Variants in CACNB2 observed in about 807,000 individuals in gnomAD.
CACNB2 encodes the protein calcium voltage-gated channel auxiliary subunit beta 2, also known as voltage-dependent L-type calcium channel subunit beta-2.
Under a neutral mutation model 73.3 loss-of-function variants are expected in CACNB2, and 42 were observed. The ratio of observed to expected loss-of-function variants is 0.57; its 90% CI spans 0.45 to 0.74. The LOEUF (loss-of-function observed/expected upper bound fraction) is 0.74, where lower values mean the gene tolerates loss of function less well. Among genes scored for constraint, CACNB2 ranks in the 30% least tolerant of loss-of-function variants. CACNB2 has a pLI of 0.00. For missense variants in CACNB2, 940 were observed against 853.0 expected (o/e 1.10, Z -1.27); for synonymous variants, 348 against 310.3 (o/e 1.12, Z -1.28).
intron 3 of CACNB2, among the ~76,000 whole-genome samples, chr10:18,430,502 G>A (rs574078211): frequency 6.6e-6 from 1 of 152,042 alleles, no homozygotes; most frequent in South Asian, 2.1e-4. Flanking sequence ...TGGTGGTGGA[G>A]GCCTATAGTT....
At chr10:18,426,626 G>A (rs2045611645) in intron 3 of CACNB2, among the ~76,000 whole-genome samples, 1 of 152,124 alleles carries the variant, frequency 6.6e-6, no homozygotes. Context: ...GATCACCTGA[G>A]GCCAGGAGTT....
intron 9 of CACNB2, among the ~76,000 whole-genome samples, chr10:18,525,828 G>A (rs978904121): frequency 3.3e-5 from 5 of 151,870 alleles, no homozygotes; most frequent in African/African-American, 7.3e-5. Flanking sequence ...CTTTGGAAAT[G>A]TTACATTTCT....
Position 18,175,794 on chromosome 10 carries a change from C to T in CACNB2, c.213+24819C>T, listed in dbSNP as rs187496793. ...TGTATTTTTCGTAGAGATGGGGTTT[C>T]ACCACATTGGTCAGGCTGGTCTCAA... On this transcript the variant is annotated intron_variant, in intron 2 of 13. Transcript: ENST00000324631. Among the ~76,000 whole-genome samples the T allele has an allele frequency of 1.2e-3, 180 of 152,306 alleles. 4 individuals carry two copies. Among genetic ancestry groups the T allele is most frequent in the South Asian group, 4.8e-3 (23 of 4,824 alleles).
intron 2 of CACNB2, among the ~76,000 whole-genome samples, chr10:18,205,383 G>A (rs761460012): frequency 6.6e-6 from 1 of 152,182 alleles, no homozygotes; most frequent in Non-Finnish European, 1.5e-5. Flanking sequence ...GCGAGCACTC[G>A]TAAATGGTAG....
chr10:18,144,052 TTTTTG>T (rs202200710), intron 1 of CACNB2, among the ~76,000 whole-genome samples: 1 of 151,860 alleles, frequency 6.6e-6, no homozygotes, highest in South Asian at 2.1e-4. Context: ...AAAGCCCTGG[TTTTTG>T]TTTTGTTTTG....
chr10:18,467,068 T>C (rs373338124), intron 3 of CACNB2, among the ~76,000 whole-genome samples: 26 of 152,136 alleles, frequency 1.7e-4, no homozygotes, highest in African/African-American at 5.5e-4. Context: ...GCAGGAGAAT[T>C]GCTTAAACTC....
intron 2 of CACNB2, among the ~76,000 whole-genome samples, chr10:18,195,594 G>A (rs536158510): frequency 6.6e-6 from 1 of 152,350 alleles, no homozygotes; most frequent in South Asian, 2.1e-4. Context: ...CGGCCAGAGA[G>A]ATGCGCAGCA....
Position 18,140,643 on chromosome 10 carries a change from C to G in CACNB2, c.-94C>G, listed in dbSNP as rs1465880966. ...GGCCGGGCCTGAGCCCTGGGCGGCC[C>G]CCAGAGCCGATCAGAGCGCGGGGAG... On this transcript the variant is annotated 5_prime_UTR_variant, in exon 1 of 14. Transcript: ENST00000324631. 7 of 1,171,682 alleles carry G rather than the reference C, an allele frequency of 6.0e-6. No individual in the cohort carries two copies. Among genetic ancestry groups the G allele is most frequent in the Non-Finnish European group, 8.6e-6 (7 of 811,804 alleles). 72.6% of individuals were successfully genotyped at this position (1,171,682 alleles called of 1,614,324 possible). A position where few individuals can be genotyped will look rare whatever the true frequency, so the allele number is the denominator to read the frequency against.
chr10:18,237,626 G>T (rs1203330911), intron 2 of CACNB2, among the ~76,000 whole-genome samples: 4 of 152,190 alleles, frequency 2.6e-5, no homozygotes, highest in Non-Finnish European at 4.4e-5. Flanking sequence ...CATAGCTGTG[G>T]CAGCCCCAGG....
At chr10:18,153,177 A>G (rs11012827) in intron 2 of CACNB2, among the ~76,000 whole-genome samples, 2,542 of 152,298 alleles carry the variant, frequency 0.017, 40 homozygotes, top group South Asian at 0.064. Context: ...CAAAACATAC[A>G]TAAGCGTGTA....
intron 2 of CACNB2, among the ~76,000 whole-genome samples, chr10:18,379,422 C>A (rs1413316007): frequency 2.6e-5 from 4 of 152,130 alleles, no homozygotes; most frequent in African/African-American, 4.8e-5. Context: ...CCATGTTGAC[C>A]AGGCTGGTCT....
At chr10:18,495,575 G>GTGTGTGTGTGTGTGTT (rs2049752943) in intron 3 of CACNB2, among the ~76,000 whole-genome samples, 1 of 143,596 alleles carries the variant, frequency 7.0e-6, no homozygotes, top group Admixed American at 6.8e-5. Context: ...GTGTGTGTGT[G>GTGTGTGTGTGTGTGTT]TGTGTGTGTG....
chr10:18,454,559 C>T (rs552286852), intron 3 of CACNB2, among the ~76,000 whole-genome samples: 6 of 152,292 alleles, frequency 3.9e-5, no homozygotes, highest in African/African-American at 1.4e-4. Flanking sequence ...TGAGATTGCC[C>T]CTGTTGGGAA....
intron 2 of CACNB2, among the ~76,000 whole-genome samples, chr10:18,370,815 T>C (rs2042548641): frequency 6.6e-6 from 1 of 152,204 alleles, no homozygotes; most frequent in African/African-American, 2.4e-5. Context: ...ATTTAGGTTG[T>C]TTTACACATA....
chr10:18,149,895 G>A lies in CACNB2; in HGVS notation c.121-988G>A, dbSNP rs147486599. Among the ~76,000 whole-genome samples the A allele has an allele frequency of 2.7e-3, 415 of 152,046 alleles. 8 individuals carry two copies. The highest frequency in any genetic ancestry group is 0.023 in the Admixed American group (352 of 15,282). ...CTAAATGCTATAAATACATTATTTC[G>A]TTTCATACTTAATCCTATGAGGTAT... On this transcript the variant is annotated intron_variant, in intron 1 of 13. Transcript: ENST00000324631.
At chr10:18,407,879 AT>A (rs1274688345) in intron 3 of CACNB2, among the ~76,000 whole-genome samples, 1 of 151,994 alleles carries the variant, frequency 6.6e-6, no homozygotes, top group East Asian at 1.9e-4. Context: ...AAAGATACTA[AT>A]TTTTTTGAAG....
chr10:18,381,517 G>A (rs563492358), intron 2 of CACNB2, among the ~76,000 whole-genome samples: 4 of 151,824 alleles, frequency 2.6e-5, no homozygotes, highest in South Asian at 2.1e-4. Flanking sequence ...GTGAAACCCC[G>A]TCTCTACTAA....
intron 3 of CACNB2, among the ~76,000 whole-genome samples, chr10:18,433,983 T>C (rs995566435): frequency 7.2e-5 from 11 of 152,246 alleles, no homozygotes; most frequent in Non-Finnish European, 1.6e-4. Context: ...TCCTATCCAT[T>C]CCAGCAAGAG....
intron 3 of CACNB2, among the ~76,000 whole-genome samples, chr10:18,438,183 A>C (rs370549219): frequency 5.3e-5 from 5 of 93,962 alleles, no homozygotes; most frequent in African/African-American, 2.1e-4. Context: ...ACACCTGGCG[A>C]TTTTTTTTTT....
Sources: gnomAD v4.1 joint callset for allele counts (sites outside exome capture counted in the v4.1 genomes callset) on GRCh38, gnomAD v4.1.1 for gene constraint, MANE v1.5 for transcripts, NCBI Gene and HGNC (gene_info 2026-07-23, HGNC 2026-07-21) for gene names.